MTHFD1L: variants seen among roughly 807,000 people sequenced by gnomAD.
MTHFD1L encodes the protein methylenetetrahydrofolate dehydrogenase (NADP+ dependent) 1 like.
In MTHFD1L, 81 loss-of-function variants were observed where a neutral mutation model predicts 119.5. That is an observed-to-expected ratio of 0.68 (90% CI 0.57 to 0.82). The LOEUF is 0.82. Ranked by LOEUF, MTHFD1L falls within the 40% of genes least tolerant of loss-of-function variation. The pLI, the probability that MTHFD1L is intolerant of heterozygous loss-of-function variation, is 0.00. For synonymous variants in MTHFD1L, 430 were observed against 475.2 expected, an observed-to-expected ratio of 0.90 and a Z score of 1.24; for missense variants, 1,125 against 1,253.4, an observed-to-expected ratio of 0.90 and a Z score of 1.55.
intron 15 of MTHFD1L, among the ~76,000 whole-genome samples, 199 bp downstream of exon 15, chr6:150,945,740 G>C (rs536818915): frequency 7.2e-5 from 11 of 151,998 alleles, no homozygotes; most frequent in African/African-American, 2.7e-4. Flanking sequence ...ACACGAAAGA[G>C]CCAGGTGGAC....
intron 7 of MTHFD1L, chr6:150,898,827 G>GATTATT (rs149723194): frequency 0.079 from 27,905 of 351,712 alleles, 1,672 homozygotes; most frequent in Admixed American, 0.18. Flanking sequence ...GTATAGGGAA[G>GATTATT]ATTATTATTA....
At chr6:150,963,703 A>G (rs2129004370) in intron 18 of MTHFD1L, among the ~76,000 whole-genome samples, 1 of 152,344 alleles carries the variant, frequency 6.6e-6, no homozygotes, top group South Asian at 2.1e-4. Flanking sequence ...ATACTGTGGT[A>G]AAATGGCACT....
chr6:151,093,619 G>C (rs937324772), intron 27 of MTHFD1L, among the ~76,000 whole-genome samples: 5 of 151,960 alleles, frequency 3.3e-5, no homozygotes, highest in African/African-American at 1.2e-4. Context: ...TTGCGCCACT[G>C]CACTCCAGCC....
chr6:150,866,110 G>A, intron 1 of MTHFD1L, 61 bp downstream of exon 1: 3 of 1,463,042 alleles, frequency 2.1e-6, no homozygotes, highest in Non-Finnish European at 2.7e-6. Context: ...ACCCAGGGGC[G>A]GAGCGCCCGG....
chr6:151,094,652 T>A (rs938314236), intron 27 of MTHFD1L, among the ~76,000 whole-genome samples: 2 of 152,202 alleles, frequency 1.3e-5, no homozygotes, highest in African/African-American at 4.8e-5. Flanking sequence ...CAAGCAATTC[T>A]CCTGCCTCAG....
intron 20 of MTHFD1L, among the ~76,000 whole-genome samples, 167 bp downstream of exon 20, chr6:150,972,225 G>A (rs562812966): frequency 5.9e-5 from 9 of 152,200 alleles, no homozygotes; most frequent in South Asian, 4.2e-4. Flanking sequence ...GTCTATACTC[G>A]TGAAATTATG....
At chr6:151,047,863 G>C (rs1248146500) in intron 26 of MTHFD1L, among the ~76,000 whole-genome samples, 1 of 152,162 alleles carries the variant, frequency 6.6e-6, no homozygotes, top group Non-Finnish European at 1.5e-5. Context: ...AAAGAAAAGA[G>C]GTTTAATTGA....
intron 1 of MTHFD1L, among the ~76,000 whole-genome samples, chr6:150,868,476 A>T (rs1262831382): frequency 2.0e-5 from 3 of 151,230 alleles, no homozygotes; most frequent in Non-Finnish European, 4.4e-5. Context: ...AGTAGCTGGG[A>T]TTACAGGCTC....
chr6:150,949,125 G>A lies in MTHFD1L; in HGVS notation c.1718G>A (p.Trp573Ter). 1.2e-6 allele frequency: 2 copies of A among 1,613,898 alleles called. No individual in the cohort carries two copies. The highest frequency in any genetic ancestry group is 1.7e-6 in the Non-Finnish European group (2 of 1,179,906). The change falls in exon 16 of 28, where the codon TGG becomes TAG. Residue 573 changes from tryptophan (W) to a stop codon, truncating the protein, a stop_gained. Transcript: ENST00000367321. LOFTEE classifies it high-confidence loss of function. ...GACATCGACCCATCTACCATCACGT[G>A]GCAGAGAGGTGGGTGCTGGGGAGAT... Reference protein sequence around the residue: ...RLDIDPSTITWQRVLDTNDRF... With the variant: ...RLDIDPSTIT
intron 11 of MTHFD1L, among the ~76,000 whole-genome samples, chr6:150,932,351 A>G (rs1791202611): frequency 6.6e-6 from 1 of 152,128 alleles, no homozygotes; most frequent in African/African-American, 2.4e-5. Context: ...GAAAAATTCT[A>G]GAATAATCAT....
intron 26 of MTHFD1L, among the ~76,000 whole-genome samples, chr6:151,083,806 A>G (rs940908135): frequency 6.6e-6 from 1 of 152,210 alleles, no homozygotes; most frequent in Non-Finnish European, 1.5e-5. Context: ...CTAGCTGGCC[A>G]TGAAAGAGTA....
chr6:151,024,824 G>A lies in MTHFD1L; in HGVS notation c.2586+9131G>A, dbSNP rs549808867. ...ATCATGCCCGGCCTGTTTTTTTTGT[G>A]TGTGTTTGTTTTGGGTTTTTTTTGA... On this transcript the variant is annotated intron_variant, in intron 24 of 27. Coordinates refer to ENST00000367321, the MANE Select transcript of MTHFD1L (RefSeq NM_015440.5). Among the ~76,000 whole-genome samples, 7 of 152,088 alleles carry A rather than the reference G, an allele frequency of 4.6e-5. No homozygotes were observed. In the South Asian group the frequency reaches 1.5e-3, roughly 32 times the overall value.
At chr6:150,950,912 G>A (rs950585169) in intron 16 of MTHFD1L, among the ~76,000 whole-genome samples, 4 of 151,526 alleles carry the variant, frequency 2.6e-5, no homozygotes, top group African/African-American at 7.3e-5. Context: ...CAAACGATCC[G>A]CCCACCTCAG....
chr6:150,886,458 AG>A (rs554734609), intron 6 of MTHFD1L, among the ~76,000 whole-genome samples: 1 of 145,836 alleles, frequency 6.9e-6, no homozygotes, highest in African/African-American at 2.5e-5. Flanking sequence ...AAAAAAAAAA[AG>A]AGAAGAAGAA....
intron 7 of MTHFD1L, among the ~76,000 whole-genome samples, chr6:150,892,581 G>C (rs906666894): frequency 3.3e-5 from 5 of 152,108 alleles, no homozygotes; most frequent in African/African-American, 7.2e-5. Context: ...CATCTTTGTA[G>C]CCAAAAATAT....
rs1554269193 is a variant in MTHFD1L at position 150,980,723 on chromosome 6, A to AAAG, written c.2125+8667_2125+8668insGAA. 5.3e-3 allele frequency among the ~76,000 whole-genome samples: 803 copies of AAAG among 151,400 alleles called. 11 individuals are homozygous for AAAG. The highest frequency in any genetic ancestry group is 0.018 in the African/African-American group (753 of 41,158). On this transcript the variant is annotated intron_variant, in intron 20 of 27. Transcript: ENST00000367321. ...AGACCCTGTCTCTAAAAAAAAAAAAAAAAGAAAGAAAGAAAAGAAAAGAGA... is the reference window on the plus strand; with the variant it reads ...AGACCCTGTCTCTAAAAAAAAAAAAAAAGAAAGAAAGAAAGAAAAGAAAAGAGA...
At chr6:151,012,521 A>C (rs1263212779) in intron 21 of MTHFD1L, among the ~76,000 whole-genome samples, 5 of 151,750 alleles carry the variant, frequency 3.3e-5, no homozygotes, top group Non-Finnish European at 7.4e-5. Context: ...GTGGCCCTTG[A>C]ATTTGCCCAT....
At chr6:151,051,902 G>C (rs1789107206) in intron 26 of MTHFD1L, among the ~76,000 whole-genome samples, 1 of 152,210 alleles carries the variant, frequency 6.6e-6, no homozygotes, top group East Asian at 1.9e-4. Context: ...AGGGAGGCAG[G>C]GACTGAGGCG....
At chr6:150,959,978 A>G (rs1796196468) in intron 17 of MTHFD1L, among the ~76,000 whole-genome samples, 1 of 152,214 alleles carries the variant, frequency 6.6e-6, no homozygotes, top group Non-Finnish European at 1.5e-5. Context: ...ATGCTACAAC[A>G]GCAAACCATG....
Sources: gnomAD v4.1 joint callset for allele counts (sites outside exome capture counted in the v4.1 genomes callset) on GRCh38, gnomAD v4.1.1 for gene constraint, MANE v1.5 for transcripts, NCBI Gene and HGNC (gene_info 2026-07-23, HGNC 2026-07-21) for gene names.